The following FGF12 variants were observed in gnomAD, a reference collection of about 807,000 sequenced individuals.
The protein encoded by FGF12 is fibroblast growth factor 12.
FGF12 carries 14 observed loss-of-function variants against 23.6 expected under a neutral mutation model. The observed-to-expected ratio is 0.59, with a 90% CI of 0.39 to 0.93. The LOEUF is 0.93. Among genes scored for constraint, FGF12 ranks in the 40% least tolerant of loss-of-function variants. The pLI is 0.00. For synonymous variants in FGF12, 62 were observed against 77.3 expected, an observed-to-expected ratio of 0.80 and a Z score of 1.04; for missense variants, 175 against 217.8, an observed-to-expected ratio of 0.80 and a Z score of 1.24.
chr3:192,463,697 A>G (rs912254318), intron 2 of FGF12, among the ~76,000 whole-genome samples: 1 of 152,128 alleles, frequency 6.6e-6, no homozygotes, highest in Admixed American at 6.5e-5. Context: ...CTGCTTCCAG[A>G]AGCTCTAGGC....
intron 4 of FGF12, among the ~76,000 whole-genome samples, chr3:192,279,416 C>A (rs963923073): frequency 4.6e-5 from 7 of 151,984 alleles, no homozygotes; most frequent in Non-Finnish European, 8.8e-5. Flanking sequence ...TTTTTCTAAG[C>A]ATTTCACATA....
At chr3:192,208,862 T>A in intron 4 of FGF12, among the ~76,000 whole-genome samples, 1 of 152,192 alleles carries the variant, frequency 6.6e-6, no homozygotes, top group East Asian at 1.9e-4. Flanking sequence ...CTACTGTCTA[T>A]AAGTGTCTCA....
chr3:192,353,507 C>T (rs965212252), intron 3 of FGF12, among the ~76,000 whole-genome samples: 2 of 151,606 alleles, frequency 1.3e-5, no homozygotes, highest in Non-Finnish European at 2.9e-5. Context: ...GTAGCCAGGA[C>T]TACAGGCGCC....
At chr3:192,277,287 C>T (rs1037456067) in intron 4 of FGF12, among the ~76,000 whole-genome samples, 3 of 151,284 alleles carry the variant, frequency 2.0e-5, no homozygotes, top group African/African-American at 7.4e-5. Flanking sequence ...TATGCCTAGG[C>T]CAGAAGAGAG....
At chr3:192,584,827 G>A (rs905538804) in intron 2 of FGF12, among the ~76,000 whole-genome samples, 1 of 151,914 alleles carries the variant, frequency 6.6e-6, no homozygotes, top group Non-Finnish European at 1.5e-5. Flanking sequence ...TTTATGCAAT[G>A]TTGCTTTTCC....
chr3:192,148,496 G>T (rs1172311241), intron 5 of FGF12, among the ~76,000 whole-genome samples: 1 of 152,130 alleles, frequency 6.6e-6, no homozygotes, highest in East Asian at 1.9e-4. Flanking sequence ...TTCAGTTGGG[G>T]GAGATGAAAA....
intron 2 of FGF12, among the ~76,000 whole-genome samples, chr3:192,427,159 G>T (rs1721712152): frequency 6.6e-6 from 1 of 152,034 alleles, no homozygotes; most frequent in South Asian, 2.1e-4. Flanking sequence ...GAGGCGGGTA[G>T]ATCACGAGGT....
intron 4 of FGF12, chr3:192,265,281 T>C (rs759896173): frequency 1.3e-5 from 2 of 152,158 alleles, no homozygotes; most frequent in Non-Finnish European, 2.9e-5. Flanking sequence ...TAACATCCGA[T>C]GTTATATTCC....
intron 2 of FGF12, among the ~76,000 whole-genome samples, chr3:192,371,242 A>G (rs1719215180): frequency 6.6e-6 from 1 of 152,230 alleles, no homozygotes; most frequent in Admixed American, 6.5e-5. Flanking sequence ...AGCTCATGTT[A>G]CATATGAAGA....
At chr3:192,366,710 T>C (rs891043102) in intron 2 of FGF12, among the ~76,000 whole-genome samples, 3 of 152,064 alleles carry the variant, frequency 2.0e-5, no homozygotes, top group Non-Finnish European at 2.9e-5. Context: ...AAAGAGGGTA[T>C]AAATGACTGT....
chr3:192,323,303 T>C (rs1164976272), intron 4 of FGF12, among the ~76,000 whole-genome samples: 1 of 152,192 alleles, frequency 6.6e-6, no homozygotes, highest in East Asian at 1.9e-4. Context: ...TACCAGGATT[T>C]GGAAACAACC....
chr3:192,400,478 C>T (rs1274416231), intron 2 of FGF12, among the ~76,000 whole-genome samples: 1 of 150,814 alleles, frequency 6.6e-6, no homozygotes, highest in Non-Finnish European at 1.5e-5. Flanking sequence ...AAATGATTCT[C>T]CTGCCTCAGC....
chr3:192,538,256 G>GT (rs200001112), intron 2 of FGF12, among the ~76,000 whole-genome samples: 21 of 139,094 alleles, frequency 1.5e-4, no homozygotes, highest in East Asian at 1.4e-3. Flanking sequence ...CCTTTAATCC[G>GT]TTTTTTTTCT....
intron 2 of FGF12, among the ~76,000 whole-genome samples, chr3:192,541,831 G>A (rs1293259178): frequency 2.6e-5 from 4 of 151,820 alleles, no homozygotes; most frequent in Admixed American, 2.0e-4. Context: ...CCTTCAGCAC[G>A]TTAAATATGT....
intron 2 of FGF12, among the ~76,000 whole-genome samples, chr3:192,415,611 C>T (rs1721323626): frequency 6.6e-6 from 1 of 151,890 alleles, no homozygotes; most frequent in South Asian, 2.1e-4. Context: ...AAATTCTCTG[C>T]CTAAATATTA....
At chr3:192,182,339 T>C (rs1280538516) in intron 4 of FGF12, among the ~76,000 whole-genome samples, 1 of 152,162 alleles carries the variant, frequency 6.6e-6, no homozygotes, top group Non-Finnish European at 1.5e-5. Context: ...TAGTTAAATA[T>C]AGACTACAGA....
intron 2 of FGF12, among the ~76,000 whole-genome samples, chr3:192,583,215 A>G (rs1303690262): frequency 6.6e-6 from 1 of 152,224 alleles, no homozygotes; most frequent in Non-Finnish European, 1.5e-5. Context: ...GTCAACGGTG[A>G]ATATCACTGG....
chr3:192,572,744 C>T (rs1452139443), intron 2 of FGF12, among the ~76,000 whole-genome samples: 1 of 152,178 alleles, frequency 6.6e-6, no homozygotes, highest in Non-Finnish European at 1.5e-5. Flanking sequence ...ATAAAGCACA[C>T]AGTGACCCAT....
At chr3:192,352,472 G>A (rs1229014817) in intron 3 of FGF12, among the ~76,000 whole-genome samples, 2 of 152,192 alleles carry the variant, frequency 1.3e-5, no homozygotes, top group African/African-American at 2.4e-5. Flanking sequence ...GATGCTGCTG[G>A]TCTAGGGACT....
Sources: allele counts gnomAD v4.1 joint callset (sites outside exome capture counted in the v4.1 genomes callset), GRCh38; gene constraint gnomAD v4.1.1; transcripts MANE v1.5; gene names NCBI Gene and HGNC (gene_info 2026-07-23, HGNC 2026-07-21).